DMD: variants seen among roughly 807,000 people sequenced by gnomAD.
DMD encodes the protein dystrophin, also known as mutant dystrophin.
DMD carries 63 observed loss-of-function variants against 330.1 expected under a neutral mutation model. The observed-to-expected ratio is 0.19, with a 90% CI of 0.16 to 0.24. The LOEUF is 0.24. Ranked by LOEUF, DMD falls within the 10% of genes least tolerant of loss-of-function variation. DMD has a pLI of 1.00. For synonymous variants in DMD, 1,223 were observed against 959.8 expected (o/e 1.27, Z -5.07); for missense variants, 3,344 against 2,684.1 (o/e 1.25, Z -5.43).
chrX:32,660,006 G>A (rs1428726481), intron 9 of DMD, among the ~76,000 whole-genome samples: 2 of 110,881 alleles, frequency 1.8e-5, no homozygotes, highest in Non-Finnish European at 3.8e-5. Flanking sequence ...CCTCTATCCT[G>A]TTGGCTGAAA....
chrX:31,559,511 C>T lies in DMD; in HGVS notation c.8218-52058G>A, dbSNP rs1163035591. 1.0e-4 allele frequency among the ~76,000 whole-genome samples: 9 copies of T among 88,643 alleles called. 1 individual carries two copies. Among genetic ancestry groups the T allele is most frequent in the African/African-American group, 2.9e-4 (6 of 20,654 alleles). The allele number at this position is 88,643 out of a possible 115,157, so 77.0% of individuals were successfully genotyped here. A position where few individuals can be genotyped will look rare whatever the true frequency, so the allele number is the denominator to read the frequency against. On this transcript the variant is annotated intron_variant, in intron 55 of 78. Coordinates refer to ENST00000357033, the MANE Select transcript of DMD (RefSeq NM_004006.3). ...CAAAAATTAGCTGGGCATGGTGGCG[C>T]GCGCCTGTAGTCCCAGCTACACGGG... is the stretch of plus-strand genomic sequence containing the variant.
chrX:31,805,601 AG>A (rs1165633933), intron 50 of DMD, among the ~76,000 whole-genome samples: 7 of 112,010 alleles, frequency 6.2e-5, no homozygotes, highest in Non-Finnish European at 9.4e-5. Context: ...CAAATGTTTT[AG>A]GCTCGAGTCC....
intron 2 of DMD, among the ~76,000 whole-genome samples, chrX:32,893,476 GCA>G (rs1158158155): frequency 1.8e-5 from 2 of 111,214 alleles, no homozygotes; most frequent in East Asian, 2.8e-4. Flanking sequence ...GAATTACCTT[GCA>G]CAGTTAGCAT....
At chrX:32,680,797 C>CACACACAGAAACACAT (rs979375623) in intron 9 of DMD, among the ~76,000 whole-genome samples, 14 of 108,626 alleles carry the variant, frequency 1.3e-4, no homozygotes, top group Non-Finnish European at 1.5e-4. Flanking sequence ...CCCCAGCACA[C>CACACACAGAAACACAT]ACACACAGAA....
intron 19 of DMD, among the ~76,000 whole-genome samples, chrX:32,494,419 A>C (rs1359053630): frequency 9.0e-6 from 1 of 111,482 alleles, no homozygotes; most frequent in African/African-American, 3.3e-5. Context: ...AGAAAGGCAG[A>C]GAAATGACCG....
chrX:32,506,841 C>A (rs1397880639), intron 18 of DMD, among the ~76,000 whole-genome samples: 1 of 111,657 alleles, frequency 9.0e-6, no homozygotes, highest in South Asian at 3.7e-4. Flanking sequence ...CAGGAACGTG[C>A]ACAATCATGG....
At chrX:33,331,207 C>T (rs1426089686) in intron 1 of DMD, among the ~76,000 whole-genome samples, 1 of 111,647 alleles carries the variant, frequency 9.0e-6, no homozygotes, top group Non-Finnish European at 1.9e-5. Context: ...CTGTGGCCAC[C>T]AAAACCAGCC....
chrX:31,204,340 T>C (rs751621155), intron 66 of DMD, among the ~76,000 whole-genome samples: 1 of 113,016 alleles, frequency 8.8e-6, no homozygotes, highest in East Asian at 2.8e-4. Context: ...TTACATAAAC[T>C]GTGTCACTGC....
intron 18 of DMD, among the ~76,000 whole-genome samples, chrX:32,509,836 T>A (rs943518089): frequency 9.0e-6 from 1 of 111,460 alleles, no homozygotes; most frequent in South Asian, 3.8e-4. Context: ...TAGGCCTCAA[T>A]CTGTGTTTTC....
chrX:32,978,699 C>T (rs778210486), intron 2 of DMD, among the ~76,000 whole-genome samples: 30 of 112,278 alleles, frequency 2.7e-4, no homozygotes, highest in Non-Finnish European at 5.3e-4. Flanking sequence ...CAACTCCTGA[C>T]CTCAAATGAT....
At position 31,574,144 on chromosome X, in the gene DMD, TTG is replaced by T. The variant is rs1198828080; in HGVS notation, c.8217+53527_8217+53528del. The stretch of plus-strand genomic sequence containing the variant: ...AAGGATGATCTGTTTGTTTTTTTTT[TTG>T]TTTTTTTTTTTTTTTGAGGCAGAGT... On this transcript the variant is annotated intron_variant, in intron 55 of 78. Coordinates refer to ENST00000357033, the MANE Select transcript of DMD (RefSeq NM_004006.3). Among the ~76,000 whole-genome samples, 51 of 96,321 alleles carry T rather than the reference TTG, an allele frequency of 5.3e-4. 1 individual carries two copies. Among genetic ancestry groups the T allele is most frequent in the Non-Finnish European group, 8.5e-4 (40 of 47,115 alleles). The allele number at this position is 96,321 out of a possible 115,157, so 83.6% of individuals were successfully genotyped here. A position where few individuals can be genotyped will look rare whatever the true frequency, so the allele number is the denominator to read the frequency against.
chrX:32,612,035 C>T lies in DMD; in HGVS notation c.1482+2268G>A, dbSNP rs772461414. ...CTTGGGTTAGATTCCTCCAAAAACA[C>T]ATCCTGAACAAAAGATTTGTGAACA... On this transcript the variant is annotated intron_variant, in intron 12 of 78. Coordinates refer to ENST00000357033, the MANE Select transcript of DMD (RefSeq NM_004006.3). 4.2e-5 allele frequency among the ~76,000 whole-genome samples: 4 copies of T among 95,870 alleles called. No homozygotes were observed. In the South Asian group the frequency reaches 2.1e-3, roughly 50 times the overall value. The allele number at this position is 95,870 out of a possible 115,157, so 83.3% of individuals were successfully genotyped here.
At chrX:31,526,169 G>T (rs2073224423) in intron 55 of DMD, among the ~76,000 whole-genome samples, 1 of 112,404 alleles carries the variant, frequency 8.9e-6, no homozygotes, top group South Asian at 3.7e-4. Context: ...AATTGGGAAG[G>T]AAAAAGTGTT....
intron 73 of DMD, among the ~76,000 whole-genome samples, chrX:31,171,855 G>A (rs985379252): frequency 3.6e-5 from 4 of 111,684 alleles, no homozygotes; most frequent in African/African-American, 1.3e-4. Flanking sequence ...TATTTATCTT[G>A]TGAAGATGCT....
At chrX:31,944,076 G>A (rs1002647756) in intron 45 of DMD, among the ~76,000 whole-genome samples, 22 of 112,051 alleles carry the variant, frequency 2.0e-4, no homozygotes, top group African/African-American at 6.5e-4. Flanking sequence ...GCCACAGGAG[G>A]TACAAAAATA....
At chrX:31,590,390 T>A (rs746840108) in intron 55 of DMD, among the ~76,000 whole-genome samples, 9 of 111,458 alleles carry the variant, frequency 8.1e-5, no homozygotes, top group African/African-American at 2.9e-4. Flanking sequence ...TTTGCAAAGG[T>A]AGGTAGGTTT....
rs1035682185 is a variant in DMD, at chrX:33,022,133, G to A, written c.32-1933C>T. 4.5e-5 allele frequency among the ~76,000 whole-genome samples: 5 copies of A among 110,979 alleles called. No homozygotes were observed. In the East Asian group the frequency reaches 8.4e-4, roughly 19 times the overall value. ...ACTTATATTTCCTACATGTGCATGC[G>A]TACTTTCTGTCAGAAAGCAGAGAGT... is the stretch of plus-strand genomic sequence containing the variant. On this transcript the variant is annotated intron_variant, in intron 1 of 78. Transcript: ENST00000357033.
chrX:32,787,696 C>T lies in DMD; in HGVS notation c.649+21797G>A, dbSNP rs185309841. 3.0e-4 allele frequency among the ~76,000 whole-genome samples: 30 copies of T among 98,894 alleles called. No homozygotes were observed. In the South Asian group the frequency reaches 4.8e-3, roughly 16 times the overall value. 85.9% of individuals were successfully genotyped at this position (98,894 alleles called of 115,157 possible). A position where few individuals can be genotyped will look rare whatever the true frequency, so the allele number is the denominator to read the frequency against. On this transcript the variant is annotated intron_variant, in intron 7 of 78. Transcript: ENST00000357033. ...AATGTGGACTCTCACCTCTCCCTGCCCACCCTCCCCACCATCATCTAATTG... is the reference window on the plus strand; with the variant it reads ...AATGTGGACTCTCACCTCTCCCTGCTCACCCTCCCCACCATCATCTAATTG...
intron 16 of DMD, among the ~76,000 whole-genome samples, chrX:32,560,795 T>G (rs933537186): frequency 2.7e-5 from 3 of 112,398 alleles, no homozygotes; most frequent in African/African-American, 9.7e-5. Flanking sequence ...CTGCATACTA[T>G]TCCATGGTGT....
Sources: gnomAD v4.1 joint callset for allele counts (sites outside exome capture counted in the v4.1 genomes callset) on GRCh38, gnomAD v4.1.1 for gene constraint, MANE v1.5 for transcripts, NCBI Gene and HGNC (gene_info 2026-07-23, HGNC 2026-07-21) for gene names.